The following ATF2 variants were observed in gnomAD, a reference collection of about 807,000 sequenced individuals.
ATF2 encodes the protein cyclic AMP-dependent transcription factor ATF-2.
Under a neutral mutation model 60.6 loss-of-function variants are expected in ATF2, and 24 were observed. The observed-to-expected ratio is 0.40, with a 90% CI of 0.29 to 0.56. The LOEUF (loss-of-function observed/expected upper bound fraction) is 0.56, where lower values mean the gene tolerates loss of function less well. ATF2 is among the 20% of genes least tolerant of loss of function. ATF2 has a pLI of 0.54. For synonymous variants in ATF2, 206 were observed against 215.4 expected (o/e 0.96, Z 0.38); for missense variants, 433 against 607.7 (o/e 0.71, Z 3.02).
intron 4 of ATF2, among the ~76,000 whole-genome samples, chr2:175,125,100 T>A (rs1697238980): frequency 6.6e-6 from 1 of 152,004 alleles, no homozygotes; most frequent in Non-Finnish European, 1.5e-5. Context: ...AACCTTAAAT[T>A]TAACTAAGAC....
intron 10 of ATF2, among the ~76,000 whole-genome samples, chr2:175,107,530 T>C (rs1179736577): frequency 1.4e-5 from 2 of 142,184 alleles, no homozygotes; most frequent in African/African-American, 2.9e-5. Flanking sequence ...TGGCTCCCTC[T>C]CCCTCTCCCT....
At chr2:175,111,792 C>T (rs1395108579) in intron 9 of ATF2, 138 bp from the exon 10 acceptor site, 6 of 699,962 alleles carry the variant, frequency 8.6e-6, no homozygotes, top group Middle Eastern at 3.7e-4. Flanking sequence ...TATCTCTATA[C>T]CAAATCCTTA....
intron 10 of ATF2, among the ~76,000 whole-genome samples, chr2:175,108,114 G>T (rs1265253556): frequency 1.3e-5 from 2 of 151,904 alleles, no homozygotes; most frequent in African/African-American, 4.8e-5. Context: ...TCCCATCTAG[G>T]AAGTGAGGAG....
In ATF2 at chr2:175,107,244, CTA is replaced by C. The variant is rs1294768680; in HGVS notation, c.828+4322_828+4323del. ...AATTATGAGACACTGCTAAACAGCT[CTA>C]GAATGTCTATGATTAAAAAGACAGG... On this transcript the variant is annotated intron_variant, in intron 10 of 13. Coordinates refer to ENST00000264110, the MANE Select transcript of ATF2 (RefSeq NM_001880.4). Among the ~76,000 whole-genome samples the C allele has an allele frequency of 2.6e-5, 4 of 152,110 alleles. No homozygotes were observed. In the East Asian group the frequency reaches 7.7e-4, roughly 29 times the overall value.
chr2:175,142,329 C>T (rs1156933351), intron 2 of ATF2, among the ~76,000 whole-genome samples: 1 of 151,820 alleles, frequency 6.6e-6, no homozygotes, highest in African/African-American at 2.4e-5. Context: ...CCACCACTCC[C>T]GGCTAATTTT....
rs781674451 is a variant in ATF2, at chr2:175,097,117, T to C, written c.978+327A>G. 5.8e-4 allele frequency among the ~76,000 whole-genome samples: 88 copies of C among 152,310 alleles called. 1 individual carries two copies. The highest frequency in any genetic ancestry group is 1.2e-3 in the Non-Finnish European group (80 of 68,012). ...TCTATAAACTTCTTCAATCAGGAAA[T>C]AGAGAGTAAAGGAAATTTCTCAAAG... is the stretch of plus-strand genomic sequence containing the variant. On this transcript the variant is annotated intron_variant, in intron 11 of 13. Coordinates refer to ENST00000264110, the MANE Select transcript of ATF2 (RefSeq NM_001880.4).
chr2:175,079,093 T>C (rs1693575652), intron 13 of ATF2, among the ~76,000 whole-genome samples: 2 of 152,148 alleles, frequency 1.3e-5, no homozygotes, highest in Non-Finnish European at 2.9e-5. Context: ...GTATACAGTA[T>C]ATAAACCTAC....
intron 3 of ATF2, among the ~76,000 whole-genome samples, chr2:175,130,906 A>G (rs1697681119): frequency 6.6e-6 from 1 of 152,182 alleles, no homozygotes; most frequent in Non-Finnish European, 1.5e-5. Flanking sequence ...TGAGGATCAT[A>G]AGTTAATCTT....
At chr2:175,093,661 T>C (rs1399219224) in intron 11 of ATF2, among the ~76,000 whole-genome samples, 1 of 152,198 alleles carries the variant, frequency 6.6e-6, no homozygotes, top group African/African-American at 2.4e-5. Flanking sequence ...AAACGTTTAA[T>C]AACTTCCTAT....
At chr2:175,141,205 G>C (rs1451037675) in intron 2 of ATF2, among the ~76,000 whole-genome samples, 1 of 151,112 alleles carries the variant, frequency 6.6e-6, no homozygotes. Flanking sequence ...ATTCATAAAT[G>C]GTATCTGTCA....
intron 12 of ATF2, among the ~76,000 whole-genome samples, chr2:175,087,006 G>A (rs1694215366): frequency 6.6e-6 from 1 of 151,830 alleles, no homozygotes; most frequent in African/African-American, 2.4e-5. Flanking sequence ...CACAAAACCA[G>A]TCTGCTTAAG....
chr2:175,119,422 C>T (rs1355083293), intron 5 of ATF2, among the ~76,000 whole-genome samples: 3 of 151,436 alleles, frequency 2.0e-5, no homozygotes, highest in Non-Finnish European at 4.4e-5. Context: ...ATTTGTTAAC[C>T]ATTATGTCCC....
At chr2:175,078,229 C>T (rs1693502576) in intron 13 of ATF2, among the ~76,000 whole-genome samples, 1 of 152,166 alleles carries the variant, frequency 6.6e-6, no homozygotes, top group Non-Finnish European at 1.5e-5. Context: ...CCTTGGCCTC[C>T]CAAAGTGTTG....
At chr2:175,119,523 C>T (rs774903239) in intron 5 of ATF2, among the ~76,000 whole-genome samples, 16 of 151,534 alleles carry the variant, frequency 1.1e-4, no homozygotes, top group Non-Finnish European at 2.4e-4. Flanking sequence ...ATATTTCACA[C>T]TAAAATGACC....
chr2:175,123,434 G>C (rs1574424183), intron 4 of ATF2, among the ~76,000 whole-genome samples: 1 of 151,948 alleles, frequency 6.6e-6, no homozygotes, highest in South Asian at 2.1e-4. Flanking sequence ...TTTTGGTGCA[G>C]GTCCCAGATT....
intron 13 of ATF2, chr2:175,075,123 T>C: frequency 8.7e-7 from 1 of 1,153,136 alleles, no homozygotes; most frequent in Non-Finnish European, 1.1e-6. Context: ...GAGGGAGAGT[T>C]TGGAAGATAG....
At chr2:175,081,895 A>G (rs572686669) in intron 12 of ATF2, among the ~76,000 whole-genome samples, 1 of 152,278 alleles carries the variant, frequency 6.6e-6, no homozygotes, top group South Asian at 2.1e-4. Context: ...TACAAAAAAT[A>G]CAAAAATTAG....
In ATF2 at chr2:175,080,684, T is replaced by A. The variant is rs1172825782; in HGVS notation, c.1267A>T (p.Met423Leu). Residue 423 changes from methionine to leucine, a missense_variant, in exon 13 of 14, where the codon ATG becomes TTG. Transcript: ENST00000264110. Reference sequence around the variant, plus strand: ...CTATGATAGCCAGATTTCTTCTGCATGGCGGTTACAGGGCAATCTTTATGA... The same window carrying A: ...CTATGATAGCCAGATTTCTTCTGCAAGGCGGTTACAGGGCAATCTTTATGA... ...LAHKDCPVTA[M>L]QKKSGYHTAD... is the part of the protein sequence containing the mutation. 6.2e-7 allele frequency: 1 copy of A among 1,613,064 alleles called. No homozygotes were observed. Among genetic ancestry groups the A allele is most frequent in the Admixed American group, 1.7e-5 (1 of 59,948 alleles).
intron 1 of ATF2, among the ~76,000 whole-genome samples, chr2:175,159,146 C>T (rs1699862296): frequency 1.3e-5 from 2 of 151,782 alleles, no homozygotes; most frequent in Non-Finnish European, 1.5e-5. Context: ...GGAGAAACCC[C>T]GTCTCTACTA....
Sources: allele counts gnomAD v4.1 joint callset (sites outside exome capture counted in the v4.1 genomes callset), GRCh38; gene constraint gnomAD v4.1.1; transcripts MANE v1.5; gene names NCBI Gene and HGNC (gene_info 2026-07-23, HGNC 2026-07-21).